The following ZNF169 variants were observed in gnomAD, a reference collection of about 807,000 sequenced individuals.
ZNF169 encodes the protein zinc finger protein 169.
A neutral mutation model predicts 12.0 loss-of-function variants in ZNF169; 11 were observed. That is an observed-to-expected ratio of 0.92 (90% CI 0.58 to 1.52). The LOEUF (loss-of-function observed/expected upper bound fraction) is 1.52. Among genes scored for constraint, ZNF169 ranks in the 40% most tolerant of loss-of-function variants. ZNF169 has a pLI of 0.00. For synonymous variants in ZNF169, 302 were observed against 286.5 expected, an observed-to-expected ratio of 1.05 and a Z score of -0.55; for missense variants, 722 against 744.0, an observed-to-expected ratio of 0.97 and a Z score of 0.34.
At chr9:94,287,850 G>A (rs535537290) in intron 2 of ZNF169, 250 of 1,042,996 alleles carry the variant, frequency 2.4e-4, no homozygotes, top group African/African-American at 1.9e-3. Context: ...CATTTTAGCC[G>A]AGAAGTAGGC....
chr9:94,281,884 C>G (rs1830646359), intron 2 of ZNF169, among the ~76,000 whole-genome samples: 1 of 152,110 alleles, frequency 6.6e-6, no homozygotes, highest in Non-Finnish European at 1.5e-5. Flanking sequence ...GCAGAAGAAG[C>G]TCTCAGATAG....
At chr9:94,277,854 C>T (rs1388405018) in intron 1 of ZNF169, among the ~76,000 whole-genome samples, 2 of 151,542 alleles carry the variant, frequency 1.3e-5, no homozygotes, top group African/African-American at 2.4e-5. Flanking sequence ...ATGGCGTGAA[C>T]CCGGGAGGCG....
At chr9:94,294,982 G>A (rs1473318096) in intron 4 of ZNF169, 1 of 151,984 alleles carries the variant, frequency 6.6e-6, no homozygotes, top group African/African-American at 2.4e-5. Context: ...CTATATAGCT[G>A]GTATTACACT....
chr9:94,295,614 A>T (rs1225924156), intron 4 of ZNF169: 1 of 152,172 alleles, frequency 6.6e-6, no homozygotes, highest in Non-Finnish European at 1.5e-5. Flanking sequence ...ATAATTATAG[A>T]TTTGTCTGCA....
At chr9:94,297,749 T>C (rs1431429649) in intron 4 of ZNF169, among the ~76,000 whole-genome samples, 1 of 152,264 alleles carries the variant, frequency 6.6e-6, no homozygotes, top group African/African-American at 2.4e-5. Context: ...AAGGGTCTTC[T>C]GTTAAGTAGT....
intron 1 of ZNF169, among the ~76,000 whole-genome samples, chr9:94,271,008 T>C (rs183252691): frequency 0.15 from 9,641 of 65,266 alleles, 1,962 homozygotes; most frequent in East Asian, 0.35. Flanking sequence ...TTATATATTA[T>C]ATAAATATAC....
At chr9:94,288,059 C>A in intron 2 of ZNF169, 2 of 784,726 alleles carry the variant, frequency 2.5e-6, no homozygotes, top group Non-Finnish European at 2.3e-6. Context: ...TGCTCTAGGT[C>A]ACTCGGGACT....
At chr9:94,266,223 C>T (rs565547720) in intron 1 of ZNF169, among the ~76,000 whole-genome samples, 27 of 152,280 alleles carry the variant, frequency 1.8e-4, no homozygotes, top group African/African-American at 6.3e-4. Flanking sequence ...TTTAACTTAA[C>T]CACTCAGTCA....
chr9:94,278,956 T>A, intron 2 of ZNF169, 111 bp downstream of exon 2: 1 of 1,044,416 alleles, frequency 9.6e-7, no homozygotes, highest in Admixed American at 2.3e-5. Flanking sequence ...CTTGTAGGCG[T>A]GACTCATCTT....
intron 1 of ZNF169, among the ~76,000 whole-genome samples, chr9:94,262,180 G>A (rs905573453): frequency 1.3e-5 from 2 of 152,158 alleles, no homozygotes; most frequent in African/African-American, 2.4e-5. Flanking sequence ...AGTTCTTTGA[G>A]GGGACAGGCA....
At chr9:94,271,386 G>A (rs1830418462) in intron 1 of ZNF169, among the ~76,000 whole-genome samples, 1 of 151,716 alleles carries the variant, frequency 6.6e-6, no homozygotes, top group South Asian at 2.1e-4. Context: ...AGTGGTCCAG[G>A]GCACCTTTCA....
At chr9:94,297,125 C>T (rs1384912666) in intron 4 of ZNF169, among the ~76,000 whole-genome samples, 2 of 149,918 alleles carry the variant, frequency 1.3e-5, no homozygotes, top group Non-Finnish European at 2.9e-5. Context: ...TTTGTTTTTT[C>T]ATATGAATTT....
chr9:94,265,848 G>A (rs190308023), intron 1 of ZNF169, among the ~76,000 whole-genome samples: 6 of 152,126 alleles, frequency 3.9e-5, no homozygotes, highest in South Asian at 2.1e-4. Flanking sequence ...CTTGTTTGTG[G>A]AGACCTAGGG....
At position 94,279,508 on chromosome 9, in the gene ZNF169, C is replaced by T. The variant is rs12002803; in HGVS notation, c.33+663C>T. 4.3e-3 allele frequency among the ~76,000 whole-genome samples: 645 copies of T among 150,182 alleles called. 6 individuals carry two copies. The highest frequency in any genetic ancestry group is 0.015 in the African/African-American group (615 of 40,768). The stretch of plus-strand genomic sequence containing the variant: ...CTGTGAAAATGGCGCAGGACAGTGG[C>T]GCGTGCCTGTAATCCCAGATACTGG... On this transcript the variant is annotated intron_variant, in intron 2 of 4. Coordinates refer to ENST00000395395, the MANE Select transcript of ZNF169 (RefSeq NM_194320.4).
At chr9:94,289,575 T>A (rs1280725813) in intron 2 of ZNF169, among the ~76,000 whole-genome samples, 7 of 152,078 alleles carry the variant, frequency 4.6e-5, no homozygotes, top group Non-Finnish European at 8.8e-5. Context: ...GGATCACCTG[T>A]GGTCAGGAGT....
At chr9:94,285,658 A>C (rs977225002) in intron 2 of ZNF169, among the ~76,000 whole-genome samples, 2 of 152,140 alleles carry the variant, frequency 1.3e-5, no homozygotes, top group Non-Finnish European at 2.9e-5. Context: ...GCAGCCAGAT[A>C]AAAATTATGT....
Position 94,293,064 on chromosome 9 carries a change from G to A in ZNF169, c.251G>A (p.Cys84Tyr). Residue 84 changes from cysteine (C) to tyrosine (Y), a missense_variant, in exon 4 of 5, where the codon TGT becomes TAT. Cys to Tyr is a radical substitution (Grantham distance 194). Transcript: ENST00000395395. ...GAGAACGAACATCTTCTGGACCTTT[G>A]TCCAGGTGAGTGGGAAGCCCTGGGC... is the stretch of plus-strand genomic sequence containing the variant. ...REENEHLLDL[C>Y]PEPRTEFQPS... The A allele has an allele frequency of 6.2e-7, 1 of 1,612,514 alleles. No individual in the cohort carries two copies. The highest frequency in any genetic ancestry group is 8.5e-7 in the Non-Finnish European group (1 of 1,179,218).
At chr9:94,271,487 C>T (rs1414383868) in intron 1 of ZNF169, among the ~76,000 whole-genome samples, 1 of 151,930 alleles carries the variant, frequency 6.6e-6, no homozygotes, top group Non-Finnish European at 1.5e-5. Context: ...TTTGGGAGGC[C>T]GAGGCGGGCA....
At chr9:94,273,579 CTTT>C (rs56165942) in intron 1 of ZNF169, among the ~76,000 whole-genome samples, 4 of 119,162 alleles carry the variant, frequency 3.4e-5, no homozygotes, top group Admixed American at 2.9e-4. Flanking sequence ...TTCTTTCTTT[CTTT>C]TTTTTTTTTT....
Sources: allele counts gnomAD v4.1 joint callset (sites outside exome capture counted in the v4.1 genomes callset), GRCh38; gene constraint gnomAD v4.1.1; transcripts MANE v1.5; gene names NCBI Gene and HGNC (gene_info 2026-07-23, HGNC 2026-07-21).